SV2C: variants seen among roughly 807,000 people sequenced by gnomAD.
SV2C encodes the protein synaptic vesicle glycoprotein 2C, also known as solute carrier family 22 member B3.
Under a neutral mutation model 79.7 loss-of-function variants are expected in SV2C, and 49 were observed. The observed-to-expected ratio is 0.61, with a 90% CI of 0.49 to 0.78. The LOEUF (loss-of-function observed/expected upper bound fraction) is 0.78. Ranked by LOEUF, SV2C falls within the 30% of genes least tolerant of loss-of-function variation. The probability of loss-of-function intolerance (pLI) is 0.00; values close to 1 mark genes in which losing one functional copy is unlikely to be tolerated. For missense variants in SV2C, 833 were observed against 912.9 expected (o/e 0.91, Z 1.13); for synonymous variants, 334 against 333.2 (o/e 1.00, Z -0.03).
chr5:76,289,935 A>G (rs946904458), intron 6 of SV2C, among the ~76,000 whole-genome samples: 11 of 151,864 alleles, frequency 7.2e-5, no homozygotes, highest in African/African-American at 2.7e-4. Context: ...TTCGTTTTGT[A>G]TGGTAATTGT....
chr5:76,086,680 C>G (rs1194511808), intron 1 of SV2C, among the ~76,000 whole-genome samples: 1 of 152,202 alleles, frequency 6.6e-6, no homozygotes, highest in African/African-American at 2.4e-5. Context: ...TGTTTTCAAT[C>G]TCTGCTTTGC....
At chr5:76,128,311 A>G (rs1173479166) in intron 1 of SV2C, among the ~76,000 whole-genome samples, 1 of 152,234 alleles carries the variant, frequency 6.6e-6, no homozygotes, top group East Asian at 1.9e-4. Flanking sequence ...TATTACCCAT[A>G]TAAAGCTCGT....
At chr5:76,129,402 T>G (rs10514059) in intron 1 of SV2C, among the ~76,000 whole-genome samples, 35,654 of 150,766 alleles carry the variant, frequency 0.24, 5,191 homozygotes, top group Middle Eastern at 0.45. Context: ...AAAAGAGAAC[T>G]TATATGTGCA....
At chr5:75,880,455 T>C in the SV2C span, among the ~76,000 whole-genome samples, 1 of 152,314 alleles carries the variant, frequency 6.6e-6, no homozygotes, top group African/African-American at 2.4e-5. Flanking sequence ...CTTAGAAATT[T>C]CTTCACCAGA....
At chr5:76,103,530 A>G (rs1165684346) in intron 1 of SV2C, among the ~76,000 whole-genome samples, 1 of 152,172 alleles carries the variant, frequency 6.6e-6, no homozygotes, top group African/African-American at 2.4e-5. Flanking sequence ...CTTCTGGCCA[A>G]CCTAGATGGG....
the SV2C span, among the ~76,000 whole-genome samples, chr5:76,064,752 AC>A: frequency 1.4e-4 from 21 of 152,266 alleles, no homozygotes; most frequent in South Asian, 4.1e-3. Flanking sequence ...GTTAAGGTCA[AC>A]CTTTCCCTAA....
At chr5:75,996,219 C>G in the SV2C span, among the ~76,000 whole-genome samples, 1 of 152,152 alleles carries the variant, frequency 6.6e-6, no homozygotes, top group Admixed American at 6.5e-5. Context: ...CCAGTTTTCC[C>G]AGCACCATTT....
chr5:76,273,305 T>A (rs927015782), intron 4 of SV2C, among the ~76,000 whole-genome samples: 1 of 151,894 alleles, frequency 6.6e-6, no homozygotes, highest in African/African-American at 2.4e-5. Context: ...CACATACACA[T>A]GCACATTTCA....
intron 4 of SV2C, among the ~76,000 whole-genome samples, chr5:76,234,818 T>C (rs1745563574): frequency 6.6e-6 from 1 of 152,180 alleles, no homozygotes; most frequent in South Asian, 2.1e-4. Context: ...GGCCTGTGCT[T>C]ACTTGATTTA....
the SV2C span, among the ~76,000 whole-genome samples, chr5:75,859,360 C>T: frequency 6.6e-6 from 1 of 152,212 alleles, no homozygotes; most frequent in African/African-American, 2.4e-5. Context: ...TTTAAAGTCT[C>T]TGGGAGAAAA....
the SV2C span, among the ~76,000 whole-genome samples, chr5:75,855,388 C>G: frequency 6.6e-6 from 1 of 152,086 alleles, no homozygotes; most frequent in African/African-American, 2.4e-5. Flanking sequence ...AACAAATGAG[C>G]TCTACTGACT....
At chr5:76,055,749 C>T in the SV2C span, among the ~76,000 whole-genome samples, 44 of 152,194 alleles carry the variant, frequency 2.9e-4, no homozygotes, top group African/African-American at 1.0e-3. Context: ...ATTTTATTCT[C>T]TTTGTAGCAG....
chr5:75,915,154 G>A, the SV2C span, among the ~76,000 whole-genome samples: 1 of 152,090 alleles, frequency 6.6e-6, no homozygotes, highest in African/African-American at 2.4e-5. Context: ...ATAAGATTTG[G>A]GTGGGGACAC....
the SV2C span, among the ~76,000 whole-genome samples, chr5:75,967,643 G>A: frequency 5.3e-5 from 8 of 152,198 alleles, no homozygotes; most frequent in African/African-American, 7.2e-5. Flanking sequence ...CGCCATTGCC[G>A]AGGCTTCAGT....
chr5:76,040,490 C>G, the SV2C span, among the ~76,000 whole-genome samples: 3 of 152,106 alleles, frequency 2.0e-5, no homozygotes, highest in African/African-American at 7.2e-5. Flanking sequence ...CTTCATGTGC[C>G]AAATTAGAAT....
intron 1 of SV2C, among the ~76,000 whole-genome samples, chr5:76,112,356 C>T (rs1355418822): frequency 6.6e-6 from 1 of 152,136 alleles, no homozygotes; most frequent in African/African-American, 2.4e-5. Flanking sequence ...AGGCCAGCCT[C>T]TATTCTCTGG....
rs1297696162 is a variant in SV2C at position 76,330,920 on chromosome 5, A to G, written c.*5373A>G. 6.6e-6 allele frequency: 1 copy of G among 151,310 alleles called. No individual in the cohort carries two copies. The highest frequency in any genetic ancestry group is 1.9e-4 in the East Asian group (1 of 5,130). The allele number at this position is 151,310 out of a possible 1,614,324, so 9.4% of individuals were successfully genotyped here. ...TACTTAGGCCGGAGTGCAGTGGTGCAATCTCGGCTCAATGCAACTTCCGCC... is the reference window on the plus strand; with the variant it reads ...TACTTAGGCCGGAGTGCAGTGGTGCGATCTCGGCTCAATGCAACTTCCGCC... On this transcript the variant is annotated 3_prime_UTR_variant, in exon 13 of 13. Transcript: ENST00000502798.
rs1749213816 is a variant in SV2C, at chr5:76,332,481, GATAAATTATAGCTAAAAGC to G, written c.*6936_*6954del. ...ATTACTAAAAAATTAAATAAGATTAGATAAATTATAGCTAAAAGCAAAGGCAACATATAGTCAAAGCTCA... is the reference window on the plus strand; with the variant it reads ...ATTACTAAAAAATTAAATAAGATTAGAAAGGCAACATATAGTCAAAGCTCA... On this transcript the variant is annotated 3_prime_UTR_variant, in exon 13 of 13. Transcript: ENST00000502798. The G allele has an allele frequency of 6.6e-6, 1 of 152,110 alleles. No homozygotes were observed. The allele number at this position is 152,110 out of a possible 1,614,324, so 9.4% of individuals were successfully genotyped here.
chr5:76,152,562 A>G (rs1002249712), intron 2 of SV2C, among the ~76,000 whole-genome samples: 12 of 152,230 alleles, frequency 7.9e-5, no homozygotes, highest in African/African-American at 2.7e-4. Flanking sequence ...ATTAAAAATA[A>G]AATGAACTTT....
Sources: allele counts gnomAD v4.1 joint callset (sites outside exome capture counted in the v4.1 genomes callset), GRCh38; gene constraint gnomAD v4.1.1; transcripts MANE v1.5; gene names NCBI Gene and HGNC (gene_info 2026-07-23, HGNC 2026-07-21).